HAPLN1: variants seen among roughly 807,000 people sequenced by gnomAD.
HAPLN1 encodes the protein hyaluronan and proteoglycan link protein 1, also known as Cartilage link protein.
A neutral mutation model predicts 36.5 loss-of-function variants in HAPLN1; 13 were observed. The ratio of observed to expected loss-of-function variants is 0.36; its 90% CI spans 0.23 to 0.57. The LOEUF (loss-of-function observed/expected upper bound fraction) is 0.57. Among genes scored for constraint, HAPLN1 ranks in the 20% least tolerant of loss-of-function variants. HAPLN1 has a pLI of 0.83. For missense variants in HAPLN1, 407 were observed against 439.7 expected, an observed-to-expected ratio of 0.93 and a Z score of 0.66; for synonymous variants, 202 against 169.8, an observed-to-expected ratio of 1.19 and a Z score of -1.48.
chr5:83,701,675 C>T (rs1330953705), intron 1 of HAPLN1, among the ~76,000 whole-genome samples: 1 of 152,164 alleles, frequency 6.6e-6, no homozygotes, highest in African/African-American at 2.4e-5. Context: ...CGGTGACTCA[C>T]GCCAGTAATC....
At chr5:83,696,386 A>G (rs1205907950) in intron 1 of HAPLN1, among the ~76,000 whole-genome samples, 2 of 152,128 alleles carry the variant, frequency 1.3e-5, no homozygotes, top group African/African-American at 4.8e-5. Context: ...CATTTGGTAG[A>G]AAGGTACAAG....
intron 3 of HAPLN1, among the ~76,000 whole-genome samples, chr5:83,649,376 T>C (rs1004917505): frequency 6.6e-6 from 1 of 152,214 alleles, no homozygotes; most frequent in Non-Finnish European, 1.5e-5. Flanking sequence ...CCCTCTCTCC[T>C]GCTTTTTCAT....
chr5:83,677,990 C>T (rs947079057), intron 1 of HAPLN1, among the ~76,000 whole-genome samples: 1 of 152,146 alleles, frequency 6.6e-6, no homozygotes, highest in African/African-American at 2.4e-5. Context: ...ATCAGAAACT[C>T]TGGGGGATGG....
intron 2 of HAPLN1, among the ~76,000 whole-genome samples, chr5:83,654,236 T>C (rs1423437363): frequency 6.6e-6 from 1 of 152,188 alleles, no homozygotes; most frequent in African/African-American, 2.4e-5. Flanking sequence ...CTCAAAAAGC[T>C]GAAAAGTTTA....
intron 3 of HAPLN1, among the ~76,000 whole-genome samples, chr5:83,649,196 T>C (rs1378993100): frequency 6.6e-6 from 1 of 152,210 alleles, no homozygotes; most frequent in Admixed American, 6.5e-5. Flanking sequence ...TTCATTACAC[T>C]ATTCCTTTTA....
intron 3 of HAPLN1, among the ~76,000 whole-genome samples, chr5:83,651,723 C>T (rs763574185): frequency 5.9e-5 from 9 of 152,012 alleles, no homozygotes; most frequent in South Asian, 2.1e-4. Flanking sequence ...CTGAAATTTA[C>T]GAAAAATAAG....
rs1022232221 is a variant in HAPLN1, at chr5:83,718,215, T to C, written c.-27+2574A>G. Among the ~76,000 whole-genome samples the C allele has an allele frequency of 2.6e-5, 4 of 152,172 alleles. No homozygotes were observed. The East Asian group carries it at 7.7e-4, about 29-fold the overall frequency. Reference sequence around the variant, plus strand: ...TGATCTTAAATACAACCAGTAGGGATTTCATAAACTGTTTAGTTGTACCTT... The same window carrying C: ...TGATCTTAAATACAACCAGTAGGGACTTCATAAACTGTTTAGTTGTACCTT... On this transcript the variant is annotated intron_variant, in intron 1 of 4. Coordinates refer to ENST00000274341, the MANE Select transcript of HAPLN1 (RefSeq NM_001884.4).
rs115905340 is a variant in HAPLN1 at position 83,708,236 on chromosome 5, A to G, written c.-27+12553T>C. ...GGATATACTCAGAGGAATATAAATCATTCTACCATAAAGATACCTGCACAC... is the reference window on the plus strand; with the variant it reads ...GGATATACTCAGAGGAATATAAATCGTTCTACCATAAAGATACCTGCACAC... On this transcript the variant is annotated intron_variant, in intron 1 of 4. Coordinates refer to ENST00000274341, the MANE Select transcript of HAPLN1 (RefSeq NM_001884.4). Among the ~76,000 whole-genome samples, 1,162 of 152,364 alleles carry G rather than the reference A, an allele frequency of 7.6e-3. 8 individuals carry two copies. Among genetic ancestry groups the G allele is most frequent in the Non-Finnish European group, 0.011 (758 of 68,036 alleles).
At chr5:83,649,417 T>C (rs539439212) in intron 3 of HAPLN1, among the ~76,000 whole-genome samples, 2 of 152,264 alleles carry the variant, frequency 1.3e-5, no homozygotes, top group South Asian at 4.1e-4. Context: ...CTTACATTCA[T>C]GGTCCAAATC....
chr5:83,717,847 T>C (rs1180990601), intron 1 of HAPLN1, among the ~76,000 whole-genome samples: 1 of 152,196 alleles, frequency 6.6e-6, no homozygotes, highest in East Asian at 1.9e-4. Flanking sequence ...GAGAGCAATA[T>C]TTTATAAAAT....
intron 1 of HAPLN1, among the ~76,000 whole-genome samples, chr5:83,698,490 G>A (rs1456764044): frequency 6.6e-6 from 1 of 152,038 alleles, no homozygotes; most frequent in East Asian, 1.9e-4. Flanking sequence ...TTTATGTCTA[G>A]AATTAATGAG....
intron 1 of HAPLN1, among the ~76,000 whole-genome samples, chr5:83,678,220 G>GT (rs1554049527): frequency 0.17 from 24,170 of 142,476 alleles, 2,020 homozygotes; most frequent in African/African-American, 0.2. Flanking sequence ...CTATAGTTTG[G>GT]GTGTGTGTGT....
intron 1 of HAPLN1, among the ~76,000 whole-genome samples, chr5:83,709,639 G>T (rs971445920): frequency 2.0e-4 from 31 of 152,252 alleles, no homozygotes; most frequent in Admixed American, 2.0e-3. Context: ...TTTAGATGAG[G>T]CTGCTTTCCA....
chr5:83,708,999 C>T (rs1037601165), intron 1 of HAPLN1, among the ~76,000 whole-genome samples: 6 of 152,264 alleles, frequency 3.9e-5, no homozygotes, highest in African/African-American at 1.2e-4. Flanking sequence ...CCTCAGTCTC[C>T]CGAGTAGCTG....
chr5:83,653,524 T>TA (rs1342785473), intron 2 of HAPLN1, among the ~76,000 whole-genome samples: 1 of 152,264 alleles, frequency 6.6e-6, no homozygotes, highest in African/African-American at 2.4e-5. Context: ...ATTTGGATGT[T>TA]AAAAACGTAT....
chr5:83,662,114 G>A (rs996659483), intron 2 of HAPLN1, among the ~76,000 whole-genome samples: 1 of 151,818 alleles, frequency 6.6e-6, no homozygotes, highest in Non-Finnish European at 1.5e-5. Context: ...TGTTGGCCAG[G>A]CTGGTCTTGT....
chr5:83,688,856 A>T (rs971402072), intron 1 of HAPLN1, among the ~76,000 whole-genome samples: 1 of 151,920 alleles, frequency 6.6e-6, no homozygotes, highest in Non-Finnish European at 1.5e-5. Flanking sequence ...TCCTCTAATA[A>T]AGCCATAAAC....
intron 3 of HAPLN1, among the ~76,000 whole-genome samples, chr5:83,650,780 G>A (rs62362926): frequency 0.49 from 74,265 of 151,204 alleles, 19,030 homozygotes; most frequent in South Asian, 0.67. Flanking sequence ...GACTACAGGC[G>A]CCTGCCACCA....
intron 2 of HAPLN1, among the ~76,000 whole-genome samples, chr5:83,664,246 G>A (rs73769328): frequency 0.012 from 1,834 of 152,054 alleles, 36 homozygotes; most frequent in African/African-American, 0.04. Flanking sequence ...TTATGTGACC[G>A]TCTCCCACTC....
Sources: gnomAD v4.1 joint callset for allele counts (sites outside exome capture counted in the v4.1 genomes callset) on GRCh38, gnomAD v4.1.1 for gene constraint, MANE v1.5 for transcripts, NCBI Gene and HGNC (gene_info 2026-07-23, HGNC 2026-07-21) for gene names.